Variants in KIF20B observed in about 807,000 individuals in gnomAD.
KIF20B encodes kinesin family member 20B.
Under a neutral mutation model 232.5 loss-of-function variants are expected in KIF20B, and 188 were observed. The ratio of observed to expected loss-of-function variants is 0.81; its 90% CI spans 0.72 to 0.91. The LOEUF (loss-of-function observed/expected upper bound fraction) is 0.91, where lower values mean the gene tolerates loss of function less well. Ranked by LOEUF, KIF20B falls within the 40% of genes least tolerant of loss-of-function variation. The pLI is 0.00. For synonymous variants in KIF20B, 712 were observed against 683.0 expected, an observed-to-expected ratio of 1.04 and a Z score of -0.66; for missense variants, 2,154 against 2,055.9, an observed-to-expected ratio of 1.05 and a Z score of -0.92.
chr10:89,738,728 T>C, intron 20 of KIF20B, 111 bp downstream of exon 20: 2 of 1,327,498 alleles, frequency 1.5e-6, no homozygotes, highest in Non-Finnish European at 2.0e-6. Flanking sequence ...GTAGCATGTA[T>C]GATGAGTGAA....
At chr10:89,765,526 A>G (rs1421843654) in intron 29 of KIF20B, among the ~76,000 whole-genome samples, 1 of 152,130 alleles carries the variant, frequency 6.6e-6, no homozygotes, top group Non-Finnish European at 1.5e-5. Flanking sequence ...ACAGAATTGG[A>G]AAAAACTACT....
Position 89,709,382 on chromosome 10 carries a change from T to G in KIF20B, c.272T>G (p.Leu91Arg). ...ATTCTGGATTCACAGACTGTTGTGC[T>G]GAAAGAGCCTCAATGCATCCTTGGT... The part of the protein sequence containing the change: ...VHILDSQTVV[L>R]KEPQCILGRL... Residue 91 changes from leucine (L) to arginine (R), a missense_variant, in exon 4 of 33, where the codon CTG (leucine) becomes CGG (arginine). Coordinates refer to ENST00000371728, the MANE Select transcript of KIF20B (RefSeq NM_001284259.2). 1 of 1,613,562 alleles carries G rather than the reference T, an allele frequency of 6.2e-7. No homozygotes were observed. The highest frequency in any genetic ancestry group is 8.5e-7 in the Non-Finnish European group (1 of 1,179,672).
chr10:89,771,253 T>A (rs1204113031), intron 31 of KIF20B, among the ~76,000 whole-genome samples: 3 of 151,956 alleles, frequency 2.0e-5, no homozygotes, highest in Non-Finnish European at 4.4e-5. Context: ...TAGCACTTTT[T>A]AAACTGTAAT....
At chr10:89,766,063 A>T (rs541706446) in intron 29 of KIF20B, among the ~76,000 whole-genome samples, 10 of 152,096 alleles carry the variant, frequency 6.6e-5, no homozygotes, top group African/African-American at 2.2e-4. Context: ...TGCTAGATTG[A>T]GGAAGTTCTC....
At chr10:89,751,696 C>T (rs560155482) in intron 24 of KIF20B, among the ~76,000 whole-genome samples, 15 of 151,828 alleles carry the variant, frequency 9.9e-5, no homozygotes, top group Admixed American at 3.3e-4. Flanking sequence ...TGATAACTTA[C>T]GAATTATATA....
At chr10:89,773,931 A>T in intron 32 of KIF20B, 40 bp from the exon 33 acceptor site, 2 of 1,195,716 alleles carry the variant, frequency 1.7e-6, no homozygotes, top group Non-Finnish European at 2.4e-6. Context: ...TTTTATTTTC[A>T]CTTACAAGCT....
In KIF20B at chr10:89,758,622, G is replaced by T. The variant is rs911207007; in HGVS notation, c.4504-84G>T. ...AATCTTGTTTGCAGCTATATTTATGGTGTTACATATAATAATTTCTAAACA... is the reference window on the plus strand; with the variant it reads ...AATCTTGTTTGCAGCTATATTTATGTTGTTACATATAATAATTTCTAAACA... On this transcript the variant is annotated intron_variant, in intron 26 of 32. Coordinates refer to ENST00000371728, the MANE Select transcript of KIF20B (RefSeq NM_001284259.2). 3.7e-5 allele frequency: 33 copies of T among 881,112 alleles called. No homozygotes were observed. The African/African-American group carries it at 5.4e-4, about 14-fold the overall frequency. 54.6% of individuals were successfully genotyped at this position (881,112 alleles called of 1,614,324 possible). A position where few individuals can be genotyped will look rare whatever the true frequency, so the allele number is the denominator to read the frequency against.
rs887669706 is a variant in KIF20B at position 89,751,541 on chromosome 10, C to T, written c.4222+70C>T. 3.5e-6 allele frequency: 5 copies of T among 1,445,376 alleles called. No homozygotes were observed. The African/African-American group carries it at 5.8e-5, about 17-fold the overall frequency. The allele number at this position is 1,445,376 out of a possible 1,614,324, so 89.5% of individuals were successfully genotyped here. A position where few individuals can be genotyped will look rare whatever the true frequency, so the allele number is the denominator to read the frequency against. On this transcript the variant is annotated intron_variant, in intron 24 of 32. Coordinates refer to ENST00000371728, the MANE Select transcript of KIF20B (RefSeq NM_001284259.2). The stretch of plus-strand genomic sequence containing the variant: ...TAAAAAAAAATTTCCTAGATTTCTT[C>T]CCTTGTTAAAGTAGTACGTATTTTC...
chr10:89,753,982 T>C (rs1842073065), intron 25 of KIF20B, among the ~76,000 whole-genome samples: 1 of 151,956 alleles, frequency 6.6e-6, no homozygotes. Flanking sequence ...GTTTTTTATA[T>C]ATATTATTAA....
intron 26 of KIF20B, among the ~76,000 whole-genome samples, chr10:89,755,855 C>G (rs943904426): frequency 6.6e-6 from 1 of 152,138 alleles, no homozygotes; most frequent in African/African-American, 2.4e-5. Context: ...CAGCTTCCCC[C>G]AAGTGTTGGG....
rs34325599 is a variant in KIF20B, at chr10:89,757,040, G to GTATATATATATATATATATA, written c.4504-1655_4504-1636dup. 4.9e-3 allele frequency among the ~76,000 whole-genome samples: 545 copies of GTATATATATATATATATATA among 110,542 alleles called. 6 individuals are homozygous for GTATATATATATATATATATA. The highest frequency in any genetic ancestry group is 8.1e-3 in the Non-Finnish European group (437 of 53,920). 72.5% of individuals were successfully genotyped at this position (110,542 alleles called of 152,430 possible). Reference sequence around the variant, plus strand: ...ATCTCTGTTGTGTGTGTGTGTGTGTGTATATATATATATATATATATATAT... The same window carrying GTATATATATATATATATATA: ...ATCTCTGTTGTGTGTGTGTGTGTGTGTATATATATATATATATATATATATATATATATATATATATATAT... On this transcript the variant is annotated intron_variant, in intron 26 of 32. Coordinates refer to ENST00000371728, the MANE Select transcript of KIF20B (RefSeq NM_001284259.2).
chr10:89,707,503 T>C (rs985871633), intron 2 of KIF20B, among the ~76,000 whole-genome samples: 88 of 139,660 alleles, frequency 6.3e-4, no homozygotes, highest in Admixed American at 2.1e-4. Context: ...CTTTTTTTCT[T>C]TCCATTTTTT....
Position 89,768,791 on chromosome 10 carries a change from C to T in KIF20B, c.5145C>T (p.Ser1715=). The change falls in exon 31 of 33, where the codon TCC becomes TCT. Residue 1715 remains serine (S), a synonymous_variant. Coordinates refer to ENST00000371728, the MANE Select transcript of KIF20B (RefSeq NM_001284259.2). ...CATATTCTTTACGGAGTCAGGCATC[C>T]ATAATTGGTGTAAACCTGGCCACTA... The part of the protein sequence containing the change: ...KKTYSLRSQA[S]IIGVNLATKK... The T allele has an allele frequency of 2.5e-6, 4 of 1,607,740 alleles. No individual in the cohort carries two copies. The highest frequency in any genetic ancestry group is 2.2e-5 in the South Asian group (2 of 89,548).
Position 89,732,935 on chromosome 10 carries a change from CAAT to C in KIF20B, c.2427_2429del (p.Asn809del), listed in dbSNP as rs780497125. The C allele has an allele frequency of 3.1e-6, 5 of 1,605,978 alleles. No homozygotes were observed. In the East Asian group the frequency reaches 8.9e-5, roughly 29 times the overall value. On this transcript the variant is annotated inframe_deletion, in exon 19 of 33. Coordinates refer to ENST00000371728, the MANE Select transcript of KIF20B (RefSeq NM_001284259.2). The stretch of plus-strand genomic sequence containing the variant: ...CTGATACATCTTCTTTAATAATAAA[CAAT>C]AAATTGATTTGTAATGAAACAGTTG...
chr10:89,739,606 TG>T (rs1371630174), intron 21 of KIF20B, among the ~76,000 whole-genome samples: 3 of 143,796 alleles, frequency 2.1e-5, no homozygotes, highest in Non-Finnish European at 3.0e-5. Flanking sequence ...CCCATTTTCT[TG>T]TATGACCACT....
rs572610933 is a variant in KIF20B at position 89,745,290 on chromosome 10, C to T, written c.4036-609C>T. Among the ~76,000 whole-genome samples, 6 of 152,142 alleles carry T rather than the reference C, an allele frequency of 3.9e-5. No individual in the cohort carries two copies. The South Asian group carries it at 6.2e-4, about 16-fold the overall frequency. ...ATGTAATCCCAGCACTTTGGGAAGC[C>T]GAGGCAGACGGATCACAAGGTCAGG... On this transcript the variant is annotated intron_variant, in intron 22 of 32. Transcript: ENST00000371728.
At chr10:89,768,004 C>T (rs563692796) in intron 29 of KIF20B, among the ~76,000 whole-genome samples, 1 of 152,090 alleles carries the variant, frequency 6.6e-6, no homozygotes, top group Admixed American at 6.6e-5. Context: ...ACATTGTGGG[C>T]TGTATACCTC....
Position 89,726,573 on chromosome 10 carries a change from A to G in KIF20B, c.2230+52A>G, listed in dbSNP as rs12253906. 2.1e-3 allele frequency: 2,917 copies of G among 1,397,078 alleles called. 3 individuals are homozygous for G. The highest frequency in any genetic ancestry group is 2.6e-3 in the Non-Finnish European group (2,690 of 1,042,762). The allele number at this position is 1,397,078 out of a possible 1,614,324, so 86.5% of individuals were successfully genotyped here. On this transcript the variant is annotated intron_variant, in intron 16 of 32. Transcript: ENST00000371728. Reference sequence around the variant, plus strand: ...TAGATATTGTAAACACATAAAAAGTACTCTTGGTAAGTATAAGAGATTTAT... The same window carrying G: ...TAGATATTGTAAACACATAAAAAGTGCTCTTGGTAAGTATAAGAGATTTAT...
At chr10:89,723,010 A>G (rs4934495) in intron 13 of KIF20B, among the ~76,000 whole-genome samples, 116,860 of 152,038 alleles carry the variant, frequency 0.77, 45,211 homozygotes, top group South Asian at 0.93. Context: ...ATCCTTTAAC[A>G]TTGGTTGAGT....
Sources: gnomAD v4.1 joint callset for allele counts (sites outside exome capture counted in the v4.1 genomes callset) on GRCh38, gnomAD v4.1.1 for gene constraint, MANE v1.5 for transcripts, NCBI Gene and HGNC (gene_info 2026-07-23, HGNC 2026-07-21) for gene names.